Variants in FARP1 observed in about 807,000 individuals in gnomAD.
The protein encoded by FARP1 is FERM, ARH/RhoGEF and pleckstrin domain protein 1.
In FARP1, 52 loss-of-function variants were observed where a neutral mutation model predicts 128.8. The observed-to-expected ratio is 0.40, with a 90% CI of 0.32 to 0.51. The LOEUF is 0.51. Ranked by LOEUF, FARP1 falls within the 20% of genes least tolerant of loss-of-function variation. FARP1 has a pLI of 0.45. For missense variants in FARP1, 1,333 were observed against 1,367.9 expected, an observed-to-expected ratio of 0.97 and a Z score of 0.40; for synonymous variants, 580 against 551.8, an observed-to-expected ratio of 1.05 and a Z score of -0.72.
chr13:98,400,007 A>C (rs1594491064), intron 13 of FARP1: 1 of 152,336 alleles, frequency 6.6e-6, no homozygotes, highest in African/African-American at 2.4e-5. Flanking sequence ...ATAGGCGTTT[A>C]ATTAGAGGAA....
chr13:98,299,482 C>G lies in FARP1; in HGVS notation c.172-44280C>G, dbSNP rs572986670. ...TTTGACATTACGCCTTCAAATTATT[C>G]CTTTCCTTGCCTATTCTACAGAAGA... On this transcript the variant is annotated intron_variant, in intron 2 of 26. Transcript: ENST00000319562. Among the ~76,000 whole-genome samples the G allele has an allele frequency of 3.3e-5, 5 of 152,288 alleles. No individual in the cohort carries two copies. In the South Asian group the frequency reaches 1.0e-3, roughly 32 times the overall value.
rs1477795911 is a variant in FARP1, at chr13:98,357,447, G to T, written c.277-7948G>T. 2.6e-5 allele frequency among the ~76,000 whole-genome samples: 4 copies of T among 152,108 alleles called. No homozygotes were observed. In the East Asian group the frequency reaches 7.7e-4, roughly 29 times the overall value. ...ACAGTTTTGTTGCTTTTTAAATTTT[G>T]TGTGTGTTTCATTTTGGATTATTTC... is the stretch of plus-strand genomic sequence containing the variant. On this transcript the variant is annotated intron_variant, in intron 3 of 26. Coordinates refer to ENST00000319562, the MANE Select transcript of FARP1 (RefSeq NM_005766.4).
chr13:98,336,436 A>AT (rs958662956), intron 2 of FARP1, among the ~76,000 whole-genome samples: 12 of 151,946 alleles, frequency 7.9e-5, no homozygotes, highest in Middle Eastern at 3.4e-3. Flanking sequence ...CGCCCAGATA[A>AT]TTTTTTTGTA....
At chr13:98,387,469 G>A (rs1042990438) in intron 8 of FARP1, among the ~76,000 whole-genome samples, 1 of 152,176 alleles carries the variant, frequency 6.6e-6, no homozygotes, top group African/African-American at 2.4e-5. Flanking sequence ...GAATACCTGG[G>A]TAATGTAGTC....
chr13:98,158,712 T>C (rs574276711), intron 1 of FARP1, among the ~76,000 whole-genome samples: 2 of 152,300 alleles, frequency 1.3e-5, no homozygotes, highest in South Asian at 4.1e-4. Context: ...GAACAGCTGC[T>C]TTTCTCAGGA....
At chr13:98,170,841 A>G (rs890060549) in intron 1 of FARP1, among the ~76,000 whole-genome samples, 2 of 152,080 alleles carry the variant, frequency 1.3e-5, no homozygotes, top group African/African-American at 4.8e-5. Flanking sequence ...TTTGGATGTG[A>G]CTTTCATTTT....
rs553809248 is a variant in FARP1 at position 98,146,862 on chromosome 13, G to A, written c.-24+3370G>A. On this transcript the variant is annotated intron_variant, in intron 1 of 26. Coordinates refer to ENST00000319562, the MANE Select transcript of FARP1 (RefSeq NM_005766.4). ...GCCTGGCTATTGAATGGGAAGCAGC[G>A]GATCAACTTCTTTTCTTGTCTTTTA... Among the ~76,000 whole-genome samples the A allele has an allele frequency of 5.8e-4, 88 of 152,266 alleles. 2 individuals are homozygous for A. Among genetic ancestry groups the A allele is most frequent in the African/African-American group, 1.8e-3 (76 of 41,558 alleles).
At chr13:98,357,200 A>T (rs1888678779) in intron 3 of FARP1, among the ~76,000 whole-genome samples, 1 of 152,074 alleles carries the variant, frequency 6.6e-6, no homozygotes, top group Non-Finnish European at 1.5e-5. Flanking sequence ...ATTTAATGTG[A>T]TTATTGATAT....
intron 4 of FARP1, among the ~76,000 whole-genome samples, chr13:98,367,848 A>C (rs1889163819): frequency 6.6e-6 from 1 of 152,224 alleles, no homozygotes; most frequent in Admixed American, 6.5e-5. Flanking sequence ...AACCTAGATA[A>C]AATTTAAGTC....
chr13:98,281,110 C>G (rs1392900991), intron 2 of FARP1, among the ~76,000 whole-genome samples: 4 of 152,198 alleles, frequency 2.6e-5, no homozygotes, highest in Non-Finnish European at 4.4e-5. Context: ...AATCCCAGCA[C>G]TTTGAAAGGC....
At chr13:98,448,111 G>A (rs1892970091) in intron 26 of FARP1, 125 bp from the exon 27 acceptor site, 4 of 771,310 alleles carry the variant, frequency 5.2e-6, no homozygotes, top group South Asian at 4.7e-5. Context: ...TTGCTCTTCT[G>A]CTGAAGTGGC....
chr13:98,281,058 T>A (rs1884913015), intron 2 of FARP1, among the ~76,000 whole-genome samples: 1 of 152,208 alleles, frequency 6.6e-6, no homozygotes, highest in Non-Finnish European at 1.5e-5. Flanking sequence ...AATGGCTAGT[T>A]ATAAAGTTTA....
chr13:98,165,710 GTTTTTTTTTTTTT>G (rs71111927), intron 1 of FARP1, among the ~76,000 whole-genome samples: 102 of 74,132 alleles, frequency 1.4e-3, no homozygotes, highest in African/African-American at 5.6e-3. Flanking sequence ...TCCAGAAGGG[GTTTTTTTTTTTTT>G]TTTTTTTTTT....
At chr13:98,209,670 G>A (rs1488782889) in intron 1 of FARP1, among the ~76,000 whole-genome samples, 26 of 150,670 alleles carry the variant, frequency 1.7e-4, no homozygotes, top group African/African-American at 5.8e-4. Flanking sequence ...GGTGGTGTGC[G>A]CCTGTGATCC....
intron 2 of FARP1, among the ~76,000 whole-genome samples, chr13:98,303,368 C>A (rs1304928146): frequency 6.6e-6 from 1 of 152,194 alleles, no homozygotes; most frequent in Admixed American, 6.5e-5. Flanking sequence ...TGTATACTTA[C>A]AGTAGTTGAA....
chr13:98,176,153 T>A lies in FARP1; in HGVS notation c.-24+32661T>A, dbSNP rs1217993895. 1 of 1,606,414 alleles carries A rather than the reference T, an allele frequency of 6.2e-7. No homozygotes were observed. Among genetic ancestry groups the A allele is most frequent in the South Asian group, 1.1e-5 (1 of 90,570 alleles). ...CTTCTCCCCAGTGTACATACAGACTTGAGTCTTTCTTATCTCTTTTTTCCT... is the reference window on the plus strand; with the variant it reads ...CTTCTCCCCAGTGTACATACAGACTAGAGTCTTTCTTATCTCTTTTTTCCT... On this transcript the variant is annotated intron_variant, in intron 1 of 26. Transcript: ENST00000319562. The surrounding 1 kb of genome is among the most constrained non-coding windows in gnomAD (Gnocchi z 6.2).
Position 98,218,615 on chromosome 13 carries a change from A to G in FARP1, c.171+5202A>G, listed in dbSNP as rs943723015. On this transcript the variant is annotated intron_variant, in intron 2 of 26. Transcript: ENST00000319562. ...TAGACACAGTGGGTACCGTGTGTCT[A>G]CTGTTAAAGAAAGCTATGTGATGAG... Among the ~76,000 whole-genome samples the G allele has an allele frequency of 2.6e-5, 4 of 152,294 alleles. No individual in the cohort carries two copies. The East Asian group carries it at 5.8e-4, about 22-fold the overall frequency.
chr13:98,293,258 A>G (rs1885526539), intron 2 of FARP1, among the ~76,000 whole-genome samples: 1 of 152,188 alleles, frequency 6.6e-6, no homozygotes, highest in African/African-American at 2.4e-5. Context: ...GGCATGCTGG[A>G]TAAATATTTA....
chr13:98,284,168 G>A (rs1413922063), intron 2 of FARP1, among the ~76,000 whole-genome samples: 1 of 151,996 alleles, frequency 6.6e-6, no homozygotes, highest in African/African-American at 2.4e-5. Flanking sequence ...AAAACATTAT[G>A]AGACTTTTTG....
Sources: allele counts gnomAD v4.1 joint callset (sites outside exome capture counted in the v4.1 genomes callset), GRCh38; gene constraint gnomAD v4.1.1; non-coding constraint Gnocchi (gnomAD v3.1); transcripts MANE v1.5; gene names NCBI Gene and HGNC (gene_info 2026-07-23, HGNC 2026-07-21).